Variants in SEL1L3 observed in about 807,000 individuals in gnomAD.
SEL1L3 encodes the protein SEL1L family member 3, also known as protein sel-1 homolog 3.
In SEL1L3, 76 loss-of-function variants were observed where a neutral mutation model predicts 142.8. The observed-to-expected ratio is 0.53, with a 90% confidence interval of 0.44 to 0.64. SEL1L3 has a LOEUF of 0.64. Among genes scored for constraint, SEL1L3 ranks in the 30% least tolerant of loss-of-function variants. The pLI is 0.00. For synonymous variants in SEL1L3, 504 were observed against 519.6 expected (o/e 0.97, Z 0.41); for missense variants, 1,262 against 1,381.7 (o/e 0.91, Z 1.37).
rs914375652 is a variant in SEL1L3 at position 25,758,816 on chromosome 4, T to C, written c.3083+125A>G. 1.1e-5 allele frequency: 12 copies of C among 1,072,490 alleles called. No homozygotes were observed. In the African/African-American group the frequency reaches 1.6e-4, roughly 14 times the overall value. 66.4% of individuals were successfully genotyped at this position (1,072,490 alleles called of 1,614,324 possible). On this transcript the variant is annotated intron_variant, in intron 21 of 23. Transcript: ENST00000399878. ...AGTATGAGCCACGGTGCCCTGCTTT[T>C]TGTTTTTGTTTTTTAAATAACAATT... is the stretch of plus-strand genomic sequence containing the variant.
the SEL1L3 span, among the ~76,000 whole-genome samples, chr4:25,722,790 T>C: frequency 6.6e-6 from 1 of 152,084 alleles, no homozygotes; most frequent in Non-Finnish European, 1.5e-5. Flanking sequence ...GTTTACTCAG[T>C]AGTCAGAGCT....
Position 25,847,422 on chromosome 4 carries a change from T to C in SEL1L3, c.605A>G (p.Tyr202Cys). 6.2e-7 allele frequency: 1 copy of C among 1,614,010 alleles called. No individual in the cohort carries two copies. The change falls in exon 2 of 24, where the codon TAT becomes TGT. Residue 202 changes from tyrosine to cysteine, a missense_variant. This residue lies in a region of SEL1L3 where 689 missense variants were observed against 692.8 expected (regional missense o/e 0.99). Coordinates refer to ENST00000399878, the MANE Select transcript of SEL1L3 (RefSeq NM_015187.5). ...ENLLHAVAKN[Y>C]TLLQTIPPFE... is the part of the protein sequence containing the mutation. ...AGGCGGGATGGTCTGCAGGAGGGTA[T>C]AATTCTTTGCTACAGCATGGAGCAA...
intron 17 of SEL1L3, 34 bp from the exon 18 acceptor site, chr4:25,767,864 A>G (rs749629749): frequency 1.5e-5 from 19 of 1,272,094 alleles, no homozygotes; most frequent in Middle Eastern, 2.0e-4. Flanking sequence ...AATTTCATAT[A>G]GTGGCTCTTA....
intron 9 of SEL1L3, among the ~76,000 whole-genome samples, chr4:25,813,249 G>A (rs1448325168): frequency 1.3e-5 from 2 of 152,124 alleles, no homozygotes; most frequent in African/African-American, 4.8e-5. Flanking sequence ...ATATTTTTAG[G>A]CCTATATTCT....
At chr4:25,843,186 T>C (rs1033186533) in intron 2 of SEL1L3, among the ~76,000 whole-genome samples, 6 of 150,042 alleles carry the variant, frequency 4.0e-5, no homozygotes, top group Non-Finnish European at 5.9e-5. Flanking sequence ...GTAAGGGGCA[T>C]GGGTTGATCT....
chr4:25,828,617 C>T (rs1161102463), intron 6 of SEL1L3, among the ~76,000 whole-genome samples: 1 of 151,980 alleles, frequency 6.6e-6, no homozygotes, highest in East Asian at 1.9e-4. Context: ...AACTCCTTGC[C>T]TCATGTGATT....
At chr4:25,733,325 C>A in the SEL1L3 span, among the ~76,000 whole-genome samples, 1 of 152,040 alleles carries the variant, frequency 6.6e-6, no homozygotes, top group East Asian at 1.9e-4. Context: ...TTTTAGAATA[C>A]AGGTCTTGTA....
upstream of SEL1L3, chr4:25,863,514 C>T (rs759240677): frequency 2.7e-5 from 19 of 702,594 alleles, no homozygotes; most frequent in Non-Finnish European, 4.7e-5. Context: ...GGGCGCCATT[C>T]CCGCAGGGCG....
chr4:25,828,588 G>A (rs139539269), intron 6 of SEL1L3, among the ~76,000 whole-genome samples: 9 of 152,068 alleles, frequency 5.9e-5, no homozygotes, highest in African/African-American at 2.2e-4. Flanking sequence ...GTTTCACTAT[G>A]TTGACCAGGC....
chr4:25,806,225 G>T (rs1218565174), intron 9 of SEL1L3, among the ~76,000 whole-genome samples: 1 of 151,918 alleles, frequency 6.6e-6, no homozygotes, highest in Non-Finnish European at 1.5e-5. Flanking sequence ...TTTTAGTAGA[G>T]AGAGGGTTTC....
downstream of SEL1L3, among the ~76,000 whole-genome samples, chr4:25,742,665 C>T (rs1717154124): frequency 6.6e-6 from 1 of 152,064 alleles, no homozygotes; most frequent in Non-Finnish European, 1.5e-5. Flanking sequence ...TTTCTAGACA[C>T]TTTACAACTG....
intron 2 of SEL1L3, among the ~76,000 whole-genome samples, chr4:25,846,096 G>A (rs912900693): frequency 5.3e-5 from 8 of 152,196 alleles, no homozygotes; most frequent in African/African-American, 1.4e-4. Flanking sequence ...ACAACTGGGC[G>A]CATGTGTGGG....
At chr4:25,826,265 A>T (rs1322863376) in intron 6 of SEL1L3, among the ~76,000 whole-genome samples, 1 of 152,214 alleles carries the variant, frequency 6.6e-6, no homozygotes, top group Non-Finnish European at 1.5e-5. Context: ...GTCATGGGAT[A>T]TTATTGACAG....
chr4:25,791,994 A>G (rs1405111206), intron 11 of SEL1L3, among the ~76,000 whole-genome samples: 2 of 151,198 alleles, frequency 1.3e-5, no homozygotes, highest in Non-Finnish European at 2.9e-5. Flanking sequence ...TGCCTCTTCT[A>G]CTGGCCTCGT....
At chr4:25,718,905 G>A in the SEL1L3 span, 1 of 152,204 alleles carries the variant, frequency 6.6e-6, no homozygotes, top group African/African-American at 2.4e-5. Context: ...GGCTGGGCGT[G>A]GTGGCTCACG....
rs954885026 is a variant in SEL1L3, at chr4:25,833,191, G to C, written c.983-81C>G. 140 of 862,552 alleles carry C rather than the reference G, an allele frequency of 1.6e-4. 1 individual carries two copies. The Admixed American group carries it at 2.6e-3, about 16-fold the overall frequency. 53.4% of individuals were successfully genotyped at this position (862,552 alleles called of 1,614,324 possible). On this transcript the variant is annotated intron_variant, in intron 4 of 23. Transcript: ENST00000399878. ...AAGTAGCTAGGCCTTTTCAACAATT[G>C]TCCTAAGAAGCTACAATACTCCACG...
chr4:25,784,413 A>T (rs1313988247), intron 13 of SEL1L3, 123 bp from the exon 14 acceptor site: 2 of 757,450 alleles, frequency 2.6e-6, no homozygotes, highest in Admixed American at 2.2e-5. Context: ...ATTTAAACCC[A>T]AGCTTAGGGA....
the SEL1L3 span, among the ~76,000 whole-genome samples, chr4:25,738,171 G>A: frequency 2.0e-5 from 3 of 152,216 alleles, no homozygotes; most frequent in Non-Finnish European, 4.4e-5. Context: ...TTACAGGCAT[G>A]AGCCACCACA....
At chr4:25,725,845 TA>T in the SEL1L3 span, among the ~76,000 whole-genome samples, 1 of 152,166 alleles carries the variant, frequency 6.6e-6, no homozygotes, top group Non-Finnish European at 1.5e-5. Context: ...CATGCTAACG[TA>T]TTATAATTAG....
Sources: gnomAD v4.1 joint callset for allele counts (sites outside exome capture counted in the v4.1 genomes callset) on GRCh38, gnomAD v4.1.1 for gene constraint, gnomAD v4.1.1 regional missense constraint, MANE v1.5 for transcripts, NCBI Gene and HGNC (gene_info 2026-07-23, HGNC 2026-07-21) for gene names.